The following GJB6 variants were observed in gnomAD, a reference collection of about 807,000 sequenced individuals.
GJB6 encodes the protein gap junction protein beta 6, also known as gap junction beta-6 protein.
Under a neutral mutation model 5.4 loss-of-function variants are expected in GJB6, and 5 were observed. The observed-to-expected ratio is 0.92, with a 90% CI of 0.48 to 1.93. GJB6 has a LOEUF of 1.93. GJB6 is among the 30% of genes most tolerant of loss of function. The pLI, the probability that GJB6 is intolerant of heterozygous loss-of-function variation, is 0.01. For missense variants in GJB6, 298 were observed against 326.9 expected (o/e 0.91, Z 0.68); for synonymous variants, 136 against 129.6 (o/e 1.05, Z -0.34).
intron 4 of GJB6, among the ~76,000 whole-genome samples, chr13:20,224,177 G>C (rs1041976610): frequency 2.6e-5 from 4 of 152,004 alleles, no homozygotes; most frequent in Admixed American, 2.6e-4. Flanking sequence ...GGCTCACCTA[G>C]CTTCCACAGT....
rs775700786 is a variant in GJB6, at chr13:20,222,752, T to G, written c.729A>C (p.Glu243Asp). 1 of 1,614,016 alleles carries G rather than the reference T, an allele frequency of 6.2e-7. No individual in the cohort carries two copies. The highest frequency in any genetic ancestry group is 8.5e-7 in the Non-Finnish European group (1 of 1,179,982). ...CACTATCTGAAATCAGCTCATTCATTTCATTCTGCTTACTCTCCTTTAGGG... is the reference window on the plus strand; with the variant it reads ...CACTATCTGAAATCAGCTCATTCATGTCATTCTGCTTACTCTCCTTTAGGG... Reference protein sequence around the residue: ...NHALKESKQNEMNELISDSGQ... With the variant: ...NHALKESKQNDMNELISDSGQ... The change falls in exon 5 of 5, where the codon GAA becomes GAC. Residue 243 changes from glutamate (E) to aspartate (D), a missense_variant. By Grantham distance (45) the Glu-to-Asp change is conservative. Coordinates refer to ENST00000647029, the MANE Select transcript of GJB6 (RefSeq NM_001110219.3).
rs1193436539 is a variant in GJB6, at chr13:20,222,580, T to A, written c.*115A>T. 4 of 845,546 alleles carry A rather than the reference T, an allele frequency of 4.7e-6. No individual in the cohort carries two copies. The highest frequency in any genetic ancestry group is 1.7e-5 in the African/African-American group (1 of 59,752). 52.4% of individuals were successfully genotyped at this position (845,546 alleles called of 1,614,324 possible). Reference sequence around the variant, plus strand: ...AAAAGTTAACTCAAGTGTCTATTTATTATGAAAGTCATTTACAAACTCTTC... The same window carrying A: ...AAAAGTTAACTCAAGTGTCTATTTAATATGAAAGTCATTTACAAACTCTTC... On this transcript the variant is annotated 3_prime_UTR_variant, in exon 5 of 5. Transcript: ENST00000647029.
Position 20,223,515 on chromosome 13 carries a change from CA to C in GJB6, c.-15-21del. On this transcript the variant is annotated intron_variant, in intron 4 of 4. Transcript: ENST00000647029. ...TTATCCCTAAACAGACAAAAGTGGG[CA>C]AAGGTTTATTAGTGGAAGAGGCCTT... The C allele has an allele frequency of 6.3e-7, 1 of 1,597,974 alleles. No individual in the cohort carries two copies. Among genetic ancestry groups the C allele is most frequent in the Non-Finnish European group, 8.6e-7 (1 of 1,165,534 alleles).
chr13:20,226,088 G>A (rs996367638), intron 4 of GJB6, among the ~76,000 whole-genome samples: 4 of 152,086 alleles, frequency 2.6e-5, no homozygotes, highest in Admixed American at 6.5e-5. Context: ...CCTCGGGGGC[G>A]CATCAACAGG....
intron 4 of GJB6, among the ~76,000 whole-genome samples, chr13:20,228,017 C>T (rs1449769325): frequency 6.6e-6 from 1 of 152,162 alleles, no homozygotes; most frequent in African/African-American, 2.4e-5. Flanking sequence ...GCGCCCAGCC[C>T]CCAGGTTCTC....
intron 4 of GJB6, among the ~76,000 whole-genome samples, chr13:20,229,009 T>C (rs1311579135): frequency 6.6e-6 from 1 of 150,960 alleles, no homozygotes; most frequent in African/African-American, 2.4e-5. Flanking sequence ...CTTATTTATC[T>C]ATGCCATTAT....
At chr13:20,229,150 A>AAAAAT (rs1869874003) in intron 4 of GJB6, among the ~76,000 whole-genome samples, 1 of 62,160 alleles carries the variant, frequency 1.6e-5, no homozygotes, top group African/African-American at 8.0e-5. Flanking sequence ...AAAAAAAAAA[A>AAAAAT]TTTTTTTTTT....
intron 4 of GJB6, chr13:20,225,565 T>G (rs569279160): frequency 2.0e-5 from 3 of 152,212 alleles, no homozygotes; most frequent in Non-Finnish European, 2.9e-5. Flanking sequence ...CTCATGGTTA[T>G]TCTATGTTCA....
At chr13:20,228,816 T>TGAA (rs1869833103) in intron 4 of GJB6, among the ~76,000 whole-genome samples, 1 of 152,116 alleles carries the variant, frequency 6.6e-6, no homozygotes, top group Non-Finnish European at 1.5e-5. Context: ...AGCTCCAGTC[T>TGAA]GAAATATCTA....
In GJB6 at chr13:20,223,025, A is replaced by G; in HGVS notation, c.456T>C (p.Tyr152=). 1 of 1,614,190 alleles carries G rather than the reference A, an allele frequency of 6.2e-7. No homozygotes were observed. The highest frequency in any genetic ancestry group is 8.5e-7 in the Non-Finnish European group (1 of 1,180,014). ...FRIIFEAAFM[Y]VFYFLYNGYH... The stretch of plus-strand genomic sequence containing the variant: ...ACCCATTGTAAAGGAAGTAAAACAC[A>G]TACATAAAGGCTGCTTCAAAGATGA... The change falls in exon 5 of 5, where the codon TAT becomes TAC. Residue 152 remains tyrosine, a synonymous_variant. Coordinates refer to ENST00000647029, the MANE Select transcript of GJB6 (RefSeq NM_001110219.3).
chr13:20,224,807 C>A (rs752423662), intron 4 of GJB6, among the ~76,000 whole-genome samples: 2 of 152,124 alleles, frequency 1.3e-5, no homozygotes, highest in African/African-American at 2.4e-5. Context: ...TACAGGCTGT[C>A]GGGGCATGAG....
chr13:20,228,772 C>T (rs1016253537), intron 4 of GJB6, among the ~76,000 whole-genome samples: 4 of 152,016 alleles, frequency 2.6e-5, no homozygotes, highest in African/African-American at 9.7e-5. Context: ...GCATGAGCCA[C>T]CGCGCCCGGC....
chr13:20,228,830 C>T (rs73433720), intron 4 of GJB6, among the ~76,000 whole-genome samples: 1,651 of 152,122 alleles, frequency 0.011, 18 homozygotes, highest in Middle Eastern at 0.02. Context: ...ATATCTAGCT[C>T]TAAAAATAAG....
chr13:20,223,581 T>G (rs1215141421), intron 4 of GJB6, 86 bp from the exon 5 acceptor site: 2 of 1,040,894 alleles, frequency 1.9e-6, no homozygotes, highest in Non-Finnish European at 3.0e-6. Context: ...GAAGCCAACT[T>G]TATTTTAAGG....
chr13:20,226,753 T>C (rs1329034549), intron 4 of GJB6, among the ~76,000 whole-genome samples: 3 of 152,242 alleles, frequency 2.0e-5, no homozygotes, highest in South Asian at 2.1e-4. Context: ...GATGTTTTCT[T>C]ATTAACCAAG....
In GJB6 at chr13:20,229,305, T is replaced by C. The variant is rs71424089; in HGVS notation, c.-16+275A>G. The stretch of plus-strand genomic sequence containing the variant: ...CTGGGACTACAGGCATATGCCACCA[T>C]ACCTGGTTAATTTTTTTTTTTTTTT... On this transcript the variant is annotated intron_variant, in intron 4 of 4. Coordinates refer to ENST00000647029, the MANE Select transcript of GJB6 (RefSeq NM_001110219.3). Among the ~76,000 whole-genome samples the C allele has an allele frequency of 0.19, 26,978 of 139,398 alleles. 2,644 individuals are homozygous for C. The highest frequency in any genetic ancestry group is 0.31 in the East Asian group (1,410 of 4,618). The allele number at this position is 139,398 out of a possible 152,430, so 91.5% of individuals were successfully genotyped here. A position where few individuals can be genotyped will look rare whatever the true frequency, so the allele number is the denominator to read the frequency against.
chr13:20,223,737 G>A (rs1319720871), intron 4 of GJB6, among the ~76,000 whole-genome samples: 4 of 152,044 alleles, frequency 2.6e-5, no homozygotes, highest in African/African-American at 7.3e-5. Context: ...AGGCAGAGGC[G>A]GGCAGATCAT....
rs1869340372 is a variant in GJB6 at position 20,223,242 on chromosome 13, T to C, written c.239A>G (p.Gln80Arg). Residue 80 changes from glutamine (Q) to arginine (R), a missense_variant, in exon 5 of 5, where the codon CAG (glutamine) becomes CGG (arginine). Coordinates refer to ENST00000647029, the MANE Select transcript of GJB6 (RefSeq NM_001110219.3). ...PVSHIRLWAL[Q>R]LIFVSTPALL... ...CGCTGGGGTGGAGACGAAGATCAGC[T>C]GGAGGGCCCACAGCCGGATGTGGGA... 1.2e-6 allele frequency: 2 copies of C among 1,610,780 alleles called. No individual in the cohort carries two copies. Among genetic ancestry groups the C allele is most frequent in the Non-Finnish European group, 1.7e-6 (2 of 1,177,346 alleles).
intron 4 of GJB6, among the ~76,000 whole-genome samples, chr13:20,226,832 GT>G (rs1869612718): frequency 6.6e-6 from 1 of 152,154 alleles, no homozygotes; most frequent in South Asian, 2.1e-4. Flanking sequence ...TCAAAAAATG[GT>G]TCACATTTTC....
Sources: allele counts gnomAD v4.1 joint callset (sites outside exome capture counted in the v4.1 genomes callset), GRCh38; gene constraint gnomAD v4.1.1; transcripts MANE v1.5; gene names NCBI Gene and HGNC (gene_info 2026-07-23, HGNC 2026-07-21).